The following RELN variants were observed in gnomAD, a reference collection of about 807,000 sequenced individuals.
The protein encoded by RELN is reelin.
RELN carries 108 observed loss-of-function variants against 427.6 expected under a neutral mutation model. The ratio of observed to expected loss-of-function variants is 0.25; its 90% CI spans 0.22 to 0.30. RELN has a LOEUF of 0.30. Ranked by LOEUF, RELN falls within the 10% of genes least tolerant of loss-of-function variation. The pLI is 1.00. For synonymous variants in RELN, 1,524 were observed against 1,513.4 expected, an observed-to-expected ratio of 1.01 and a Z score of -0.16; for missense variants, 3,715 against 4,302.8, an observed-to-expected ratio of 0.86 and a Z score of 3.82.
rs562110468 is a variant in RELN at position 103,478,694 on chromosome 7, T to C, written c.10281-300A>G. 5.3e-5 allele frequency among the ~76,000 whole-genome samples: 8 copies of C among 152,312 alleles called. No individual in the cohort carries two copies. The South Asian group carries it at 1.7e-3, about 32-fold the overall frequency. On this transcript the variant is annotated intron_variant, in intron 63 of 64. Coordinates refer to ENST00000428762, the MANE Select transcript of RELN (RefSeq NM_005045.4). The stretch of plus-strand genomic sequence containing the variant: ...AATGTTGCATATAAATTATAAATAT[T>C]AATAGCTTAATAACTACTAATTTTA...
Position 103,569,298 on chromosome 7 carries a change from A to C in RELN, c.4589-2539T>G, listed in dbSNP as rs1444451170. Reference sequence around the variant, plus strand: ...AAGTAAGCCATCTTGGAAGTAGATCACCTAGCCCTGGCTAAGTCTTCCAGT... The same window carrying C: ...AAGTAAGCCATCTTGGAAGTAGATCCCCTAGCCCTGGCTAAGTCTTCCAGT... On this transcript the variant is annotated intron_variant, in intron 31 of 64. Coordinates refer to ENST00000428762, the MANE Select transcript of RELN (RefSeq NM_005045.4). The surrounding 1 kb of genome is among the most constrained non-coding windows in gnomAD (Gnocchi z 4.0). Among the ~76,000 whole-genome samples, 3 of 152,180 alleles carry C rather than the reference A, an allele frequency of 2.0e-5. No homozygotes were observed. Among genetic ancestry groups the C allele is most frequent in the Non-Finnish European group, 2.9e-5 (2 of 68,036 alleles).
At chr7:103,657,345 G>C (rs545800512) in intron 12 of RELN, among the ~76,000 whole-genome samples, 4 of 151,764 alleles carry the variant, frequency 2.6e-5, no homozygotes, top group Middle Eastern at 3.2e-3. Context: ...ATTCCTAATA[G>C]AAAACAAAAC....
At chr7:103,888,394 G>A (rs1317216881) in intron 2 of RELN, among the ~76,000 whole-genome samples, 1 of 152,124 alleles carries the variant, frequency 6.6e-6, no homozygotes, top group African/African-American at 2.4e-5. Flanking sequence ...CACAGCTGGG[G>A]CTTGGACCAA....
At chr7:103,676,184 A>T (rs556946982) in intron 11 of RELN, among the ~76,000 whole-genome samples, 105 of 152,300 alleles carry the variant, frequency 6.9e-4, no homozygotes, top group African/African-American at 2.4e-3. Flanking sequence ...ACTCAAACAA[A>T]TTTACAAGAA....
intron 41 of RELN, among the ~76,000 whole-genome samples, chr7:103,550,804 T>C (rs1830393767): frequency 6.6e-6 from 1 of 152,162 alleles, no homozygotes; most frequent in Admixed American, 6.5e-5. Flanking sequence ...TGTGTTCTAA[T>C]TGATCTAACA....
intron 6 of RELN, among the ~76,000 whole-genome samples, chr7:103,737,109 T>C (rs1293149513): frequency 7.1e-6 from 1 of 141,260 alleles, no homozygotes; most frequent in Non-Finnish European, 1.5e-5. Context: ...CTCCAAATAT[T>C]AAATGATAAT....
chr7:103,481,593 T>A (rs1828240297), intron 63 of RELN, among the ~76,000 whole-genome samples: 1 of 152,166 alleles, frequency 6.6e-6, no homozygotes, highest in Non-Finnish European at 1.5e-5. Flanking sequence ...ATTGGGACAT[T>A]TTTTGATGTC....
rs200300279 is a variant in RELN at position 103,561,736 on chromosome 7, G to C, written c.5352-27C>G. The C allele has an allele frequency of 1.5e-4, 250 of 1,613,646 alleles. 1 individual carries two copies. Among genetic ancestry groups the C allele is most frequent in the Non-Finnish European group, 5.3e-5 (63 of 1,179,878 alleles). On this transcript the variant is annotated intron_variant, in intron 35 of 64. Transcript: ENST00000428762. Reference sequence around the variant, plus strand: ...TAAGAAAGAGAGGGAGTGGAGAAAAGACATTTGTCACACGTTCAACAAGCC... The same window carrying C: ...TAAGAAAGAGAGGGAGTGGAGAAAACACATTTGTCACACGTTCAACAAGCC...
intron 46 of RELN, among the ~76,000 whole-genome samples, chr7:103,533,747 A>G (rs1829990952): frequency 6.9e-6 from 1 of 144,562 alleles, no homozygotes; most frequent in Non-Finnish European, 1.5e-5. Flanking sequence ...TTAAAAGATG[A>G]GAAATAATTA....
chr7:103,560,425 C>T (rs903289972), intron 36 of RELN, among the ~76,000 whole-genome samples: 1 of 152,056 alleles, frequency 6.6e-6, no homozygotes, highest in African/African-American at 2.4e-5. Flanking sequence ...ATTTGGATGG[C>T]TAAAGGGAAA....
chr7:103,883,693 A>C (rs1794659703), intron 2 of RELN, among the ~76,000 whole-genome samples: 1 of 152,222 alleles, frequency 6.6e-6, no homozygotes, highest in Admixed American at 6.5e-5. Flanking sequence ...ATTGCTACAA[A>C]GGGAATAAAA....
intron 9 of RELN, among the ~76,000 whole-genome samples, chr7:103,700,340 AG>A (rs1401341453): frequency 6.6e-6 from 1 of 152,148 alleles, no homozygotes; most frequent in Non-Finnish European, 1.5e-5. Flanking sequence ...TTCATCCTCA[AG>A]CATCCTACCT....
rs1831476451 is a variant in RELN at position 103,593,832 on chromosome 7, C to T, written c.3762G>A (p.Val1254=). Reference sequence around the variant, plus strand: ...TTCCTTCATTAGCCAACATCAACCACACACTCATCTGATTCATAGGGTAAT... The same window carrying T: ...TTCCTTCATTAGCCAACATCAACCATACACTCATCTGATTCATAGGGTAAT... ...AFDYPMNQMS[V]WLMLANEGMV... The change falls in exon 27 of 65, where the codon GTG becomes GTA. Residue 1254 remains valine (V), a synonymous_variant. Transcript: ENST00000428762. The T allele has an allele frequency of 1.9e-6, 3 of 1,613,982 alleles. No individual in the cohort carries two copies. In the East Asian group the frequency reaches 6.7e-5, roughly 36 times the overall value.
At chr7:103,886,767 C>T (rs1794733305) in intron 2 of RELN, among the ~76,000 whole-genome samples, 1 of 152,108 alleles carries the variant, frequency 6.6e-6, no homozygotes, top group East Asian at 1.9e-4. Flanking sequence ...GAATGTATCT[C>T]ATGGCCAATA....
intron 1 of RELN, among the ~76,000 whole-genome samples, chr7:103,973,774 T>C (rs572796077): frequency 6.6e-6 from 1 of 152,210 alleles, no homozygotes. Context: ...TCATAATTCC[T>C]AAGACTATAA....
chr7:103,741,935 C>A (rs568098110), intron 6 of RELN, among the ~76,000 whole-genome samples: 27 of 152,264 alleles, frequency 1.8e-4, no homozygotes, highest in African/African-American at 6.5e-4. Context: ...TCCCCGCACG[C>A]AGCTTGAGAT....
intron 3 of RELN, among the ~76,000 whole-genome samples, chr7:103,817,937 C>CAAA (rs71154371): frequency 1.4e-3 from 51 of 36,012 alleles, no homozygotes; most frequent in African/African-American, 2.5e-3. Context: ...GACTCCATCT[C>CAAA]AAAAAAAAAA....
intron 1 of RELN, among the ~76,000 whole-genome samples, chr7:103,977,570 T>G (rs1408848116): frequency 6.6e-6 from 1 of 152,114 alleles, no homozygotes; most frequent in East Asian, 1.9e-4. Flanking sequence ...CCCAGGAACT[T>G]GAATCCAGTA....
intron 16 of RELN, among the ~76,000 whole-genome samples, chr7:103,643,801 A>G (rs1259540608): frequency 6.6e-6 from 1 of 152,050 alleles, no homozygotes; most frequent in Non-Finnish European, 1.5e-5. Flanking sequence ...GAATACATAG[A>G]TGAGATCATA....
Sources: allele counts gnomAD v4.1 joint callset (sites outside exome capture counted in the v4.1 genomes callset), GRCh38; gene constraint gnomAD v4.1.1; non-coding constraint Gnocchi (gnomAD v3.1); transcripts MANE v1.5; gene names NCBI Gene and HGNC (gene_info 2026-07-23, HGNC 2026-07-21).